The following RBFOX1 variants were observed in gnomAD, a reference collection of about 807,000 sequenced individuals.
RBFOX1 encodes RNA binding protein fox-1 homolog 1.
Under a neutral mutation model 57.7 loss-of-function variants are expected in RBFOX1, and 8 were observed. The ratio of observed to expected loss-of-function variants is 0.14; its 90% confidence interval spans 0.08 to 0.25. The LOEUF (loss-of-function observed/expected upper bound fraction) is 0.25, where lower values mean the gene tolerates loss of function less well. RBFOX1 is among the 10% of genes least tolerant of loss of function. RBFOX1 has a pLI of 1.00. For synonymous variants in RBFOX1, 326 were observed against 222.4 expected (o/e 1.47, Z -4.15); for missense variants, 611 against 548.5 (o/e 1.11, Z -1.14).
intron 11 of RBFOX1, among the ~76,000 whole-genome samples, chr16:7,647,695 A>G (rs2064026277): frequency 6.6e-6 from 1 of 152,206 alleles, no homozygotes; most frequent in South Asian, 2.1e-4. Context: ...ATTGATTTAA[A>G]TATTTTATTT....
At chr16:6,057,159 G>T (rs569548155) in intron 1 of RBFOX1, 1 of 152,134 alleles carries the variant, frequency 6.6e-6, no homozygotes, top group Non-Finnish European at 1.5e-5. Context: ...GATGGATTGT[G>T]TTAGAGAGTA....
intron 2 of RBFOX1, among the ~76,000 whole-genome samples, chr16:5,546,455 T>C (rs1597471152): frequency 6.6e-6 from 1 of 152,200 alleles, no homozygotes; most frequent in African/African-American, 2.4e-5. Flanking sequence ...CAGTGTACTA[T>C]TGACATCAAG....
intron 3 of RBFOX1, among the ~76,000 whole-genome samples, chr16:5,785,572 G>T (rs917310228): frequency 6.6e-6 from 1 of 151,772 alleles, no homozygotes; most frequent in Non-Finnish European, 1.5e-5. Context: ...TTGTTGCCCA[G>T]ACTGGAGTGC....
intron 3 of RBFOX1, among the ~76,000 whole-genome samples, chr16:6,785,323 C>T (rs544330930): frequency 6.6e-6 from 1 of 152,142 alleles, no homozygotes; most frequent in Non-Finnish European, 1.5e-5. Context: ...TTTATCCAGA[C>T]ATCTCTGTGG....
At chr16:6,905,667 C>A (rs961296935) in intron 3 of RBFOX1, among the ~76,000 whole-genome samples, 2 of 152,066 alleles carry the variant, frequency 1.3e-5, no homozygotes, top group South Asian at 4.2e-4. Flanking sequence ...CCACCATCAC[C>A]ACCAAAAGGG....
intron 2 of RBFOX1, among the ~76,000 whole-genome samples, chr16:6,626,465 G>A (rs2098309535): frequency 6.6e-6 from 1 of 152,146 alleles, no homozygotes; most frequent in African/African-American, 2.4e-5. Context: ...CAGGGATTAA[G>A]GTACAGAATT....
intron 2 of RBFOX1, among the ~76,000 whole-genome samples, chr16:6,644,370 G>T (rs1342722231): frequency 6.6e-6 from 1 of 152,178 alleles, no homozygotes; most frequent in African/African-American, 2.4e-5. Context: ...TGTATCTTGT[G>T]TTAATATTAT....
chr16:5,333,508 T>A (rs1460389273), intron 1 of RBFOX1, among the ~76,000 whole-genome samples: 3 of 152,158 alleles, frequency 2.0e-5, no homozygotes, highest in African/African-American at 4.8e-5. Context: ...CCTCACACAG[T>A]TGGCCCCTTC....
chr16:6,275,532 G>GA (rs2075712134), intron 1 of RBFOX1, among the ~76,000 whole-genome samples: 1 of 152,218 alleles, frequency 6.6e-6, no homozygotes, highest in East Asian at 1.9e-4. Context: ...CACTGAGACT[G>GA]AAAAAATGGT....
At chr16:6,130,138 A>G (rs893467843) in intron 1 of RBFOX1, among the ~76,000 whole-genome samples, 3 of 152,152 alleles carry the variant, frequency 2.0e-5, no homozygotes, top group Non-Finnish European at 4.4e-5. Context: ...ATTAATGTAT[A>G]TGCTTTCACT....
intron 2 of RBFOX1, among the ~76,000 whole-genome samples, chr16:6,437,365 C>G (rs2094264470): frequency 6.6e-6 from 1 of 152,152 alleles, no homozygotes; most frequent in Non-Finnish European, 1.5e-5. Flanking sequence ...CTGTTTAACT[C>G]CTTTTGTTTG....
At position 7,189,154 on chromosome 16, in the gene RBFOX1, G is replaced by A. The variant is rs193025566; in HGVS notation, c.27+137056G>A. Among the ~76,000 whole-genome samples the A allele has an allele frequency of 6.7e-3, 1,017 of 151,954 alleles. 26 individuals carry two copies. Among genetic ancestry groups the A allele is most frequent in the Admixed American group, 0.036 (556 of 15,250 alleles). On this transcript the variant is annotated intron_variant, in intron 4 of 15. Transcript: ENST00000550418. ...GAAAGGAATCCTCAGGGCTGGGCAC[G>A]GTGGCTCATGCCTGTAATCCCAGCA...
At chr16:5,514,107 G>C (rs566227867) in intron 2 of RBFOX1, among the ~76,000 whole-genome samples, 1 of 152,224 alleles carries the variant, frequency 6.6e-6, no homozygotes, top group African/African-American at 2.4e-5. Flanking sequence ...AATCACGTTA[G>C]GTAATAAACT....
chr16:6,307,249 G>A (rs1052858572), intron 1 of RBFOX1, among the ~76,000 whole-genome samples: 1 of 152,104 alleles, frequency 6.6e-6, no homozygotes, highest in East Asian at 1.9e-4. Context: ...AATACTTGGT[G>A]TTGGATAGTA....
chr16:6,270,392 A>G (rs907338598), intron 1 of RBFOX1, among the ~76,000 whole-genome samples: 1 of 151,504 alleles, frequency 6.6e-6, no homozygotes, highest in African/African-American at 2.4e-5. Flanking sequence ...GAAAAAAGAT[A>G]GAGTATGGAA....
At position 5,821,292 on chromosome 16, in the gene RBFOX1, T is replaced by A. The variant is rs570100244; in HGVS notation, c.319-46011T>A. 1.9e-3 allele frequency among the ~76,000 whole-genome samples: 266 copies of A among 140,322 alleles called. 1 individual carries two copies. The highest frequency in any genetic ancestry group is 7.2e-3 in the African/African-American group (262 of 36,140). 92.1% of individuals were successfully genotyped at this position (140,322 alleles called of 152,430 possible). On this transcript the variant is annotated intron_variant, in intron 3 of 19. Transcript: ENST00000641259. ...GTGGGCTGTCTGTCATTCTCTCTTT[T>A]TTTATTTTTTTTTTTTTTTTTGAGA...
At chr16:5,599,638 T>A (rs2047300594) in exon 3 of RBFOX1, 2 of 183,074 alleles carry the variant, frequency 1.1e-5, no homozygotes, top group African/African-American at 4.7e-5. Flanking sequence ...CTGTTGCTGT[T>A]TGGTATTCAT....
intron 4 of RBFOX1, among the ~76,000 whole-genome samples, chr16:7,429,066 T>C (rs754782): frequency 0.026 from 3,948 of 152,190 alleles, 181 homozygotes; most frequent in African/African-American, 0.09. Flanking sequence ...CTTGTGGAAA[T>C]GAATGTGTGG....
At chr16:7,379,570 A>AAT (rs1642580328) in intron 4 of RBFOX1, among the ~76,000 whole-genome samples, 1 of 152,160 alleles carries the variant, frequency 6.6e-6, no homozygotes, top group Admixed American at 6.5e-5. Context: ...ATATGTGGTA[A>AAT]ATATATATAG....
Sources: gnomAD v4.1 joint callset for allele counts (sites outside exome capture counted in the v4.1 genomes callset) on GRCh38, gnomAD v4.1.1 for gene constraint, MANE v1.5 for transcripts, NCBI Gene and HGNC (gene_info 2026-07-23, HGNC 2026-07-21) for gene names.